SLCO2B1: variants seen among roughly 807,000 people sequenced by gnomAD.
The protein encoded by SLCO2B1 is OATP-RP2.
In SLCO2B1, 41 loss-of-function variants were observed where a neutral mutation model predicts 67.3. The observed-to-expected ratio is 0.61, with a 90% CI of 0.47 to 0.79. SLCO2B1 has a LOEUF of 0.79. Ranked by LOEUF, SLCO2B1 falls within the 30% of genes least tolerant of loss-of-function variation. SLCO2B1 has a pLI of 0.00. For synonymous variants in SLCO2B1, 379 were observed against 381.4 expected, an observed-to-expected ratio of 0.99 and a Z score of 0.07; for missense variants, 837 against 920.1, an observed-to-expected ratio of 0.91 and a Z score of 1.17.
rs1232088014 is a variant in SLCO2B1, at chr11:75,166,047, C to A, written c.448+98C>A. ...AGGCATTCATCTGGCAGGATACACC[C>A]CAAAACCTCAACACCCCAGGACAGC... On this transcript the variant is annotated intron_variant, in intron 4 of 13. Transcript: ENST00000289575. The A allele has an allele frequency of 2.1e-6, 3 of 1,410,414 alleles. No homozygotes were observed. In the African/African-American group the frequency reaches 4.3e-5, roughly 20 times the overall value. The allele number at this position is 1,410,414 out of a possible 1,614,324, so 87.4% of individuals were successfully genotyped here. A position where few individuals can be genotyped will look rare whatever the true frequency, so the allele number is the denominator to read the frequency against.
intron 1 of SLCO2B1, among the ~76,000 whole-genome samples, chr11:75,159,174 T>A (rs1228586920): frequency 6.6e-6 from 1 of 152,224 alleles, no homozygotes; most frequent in Non-Finnish European, 1.5e-5. Flanking sequence ...CTGGCTGGCT[T>A]ACCAGCAGGT....
In SLCO2B1 at chr11:75,176,713, A is replaced by G. The variant is rs1217016024; in HGVS notation, c.972+4144A>G. ...GAGGTGGCAATGGTCCTTAAAACCC[A>G]GGACTTAGGGCTGGTCTGTAGGGAT... On this transcript the variant is annotated intron_variant, in intron 7 of 13. Coordinates refer to ENST00000289575, the MANE Select transcript of SLCO2B1 (RefSeq NM_007256.5). 2.0e-5 allele frequency among the ~76,000 whole-genome samples: 3 copies of G among 152,256 alleles called. No individual in the cohort carries two copies. In the East Asian group the frequency reaches 5.8e-4, roughly 30 times the overall value.
intron 7 of SLCO2B1, among the ~76,000 whole-genome samples, chr11:75,173,966 C>T (rs948730286): frequency 4.6e-5 from 7 of 152,030 alleles, no homozygotes; most frequent in African/African-American, 1.7e-4. Flanking sequence ...CCATGCCTGG[C>T]TAATTTTGTA....
At chr11:75,184,165 C>T (rs1320282843) in intron 7 of SLCO2B1, among the ~76,000 whole-genome samples, 1 of 152,168 alleles carries the variant, frequency 6.6e-6, no homozygotes, top group African/African-American at 2.4e-5. Flanking sequence ...CTGGCATTGG[C>T]TATACCCACT....
At chr11:75,160,158 G>A (rs371181624) in intron 1 of SLCO2B1, among the ~76,000 whole-genome samples, 173 of 152,312 alleles carry the variant, frequency 1.1e-3, no homozygotes, top group Non-Finnish European at 2.0e-3. Flanking sequence ...CTCAGCTCCC[G>A]CTCTCTCACC....
chr11:75,162,689 G>A lies in SLCO2B1; in HGVS notation c.51G>A (p.Lys17=), dbSNP rs1487496415. 1 of 1,613,688 alleles carries A rather than the reference G, an allele frequency of 6.2e-7. No homozygotes were observed. Among genetic ancestry groups the A allele is most frequent in the Non-Finnish European group, 8.5e-7 (1 of 1,179,956 alleles). Residue 17 remains lysine, a synonymous_variant, in exon 2 of 14, where the codon AAG becomes AAA. Transcript: ENST00000289575. ...GTGAGGTACCCCAGGTACCAGACAA[G>A]GAAACCAAAGCCACAATGGGCACAG... ...PAGEVPQVPD[K]ETKATMGTEN...
chr11:75,157,659 G>T (rs1949763411), intron 1 of SLCO2B1, among the ~76,000 whole-genome samples: 1 of 152,204 alleles, frequency 6.6e-6, no homozygotes, highest in Non-Finnish European at 1.5e-5. Context: ...TGCCAGGCCA[G>T]CTGCCCCAAA....
chr11:75,169,530 T>A (rs951769884), intron 5 of SLCO2B1, 124 bp downstream of exon 5: 1 of 1,197,482 alleles, frequency 8.4e-7, no homozygotes, highest in Non-Finnish European at 1.2e-6. Context: ...CCAGTAAAGG[T>A]CCAGGGAAGC....
chr11:75,176,249 G>T (rs3758773), intron 7 of SLCO2B1, among the ~76,000 whole-genome samples: 52,005 of 151,904 alleles, frequency 0.34, 9,007 homozygotes, highest in South Asian at 0.39. Context: ...AACTCTCCTG[G>T]GCCCGCCATG....
chr11:75,174,716 T>C (rs1950003403), intron 7 of SLCO2B1, among the ~76,000 whole-genome samples: 1 of 152,182 alleles, frequency 6.6e-6, no homozygotes, highest in Admixed American at 6.5e-5. Context: ...GGTGGAGTGA[T>C]GTTTATAAAG....
chr11:75,172,620 C>G (rs1249800614), intron 7 of SLCO2B1, 51 bp downstream of exon 7: 1 of 1,501,126 alleles, frequency 6.7e-7, no homozygotes, highest in Non-Finnish European at 9.2e-7. Context: ...GCACCACCCA[C>G]TTGTTCTCCT....
At chr11:75,203,067 C>T in intron 12 of SLCO2B1, 102 bp downstream of exon 12, 5 of 1,232,672 alleles carry the variant, frequency 4.1e-6, no homozygotes, top group Non-Finnish European at 3.6e-6. Context: ...AATCCCTGAT[C>T]TTAGGGCTCA....
chr11:75,177,557 T>C (rs922165943), intron 7 of SLCO2B1, among the ~76,000 whole-genome samples: 9 of 151,866 alleles, frequency 5.9e-5, no homozygotes, highest in African/African-American at 2.2e-4. Flanking sequence ...AGACATAGGG[T>C]TTATTGAGGG....
intron 9 of SLCO2B1, among the ~76,000 whole-genome samples, chr11:75,195,450 G>A (rs1208780923): frequency 6.6e-6 from 1 of 151,708 alleles, no homozygotes; most frequent in Admixed American, 6.6e-5. Flanking sequence ...AATATTTTGT[G>A]GCTGATGATC....
chr11:75,197,311 G>C (rs1945114697), intron 10 of SLCO2B1, among the ~76,000 whole-genome samples: 1 of 152,214 alleles, frequency 6.6e-6, no homozygotes, highest in Non-Finnish European at 1.5e-5. Context: ...CACCTGGGTG[G>C]GGTTGGGTCC....
chr11:75,169,364 A>G lies in SLCO2B1; in HGVS notation c.640A>G (p.Ile214Val), dbSNP rs375650742. 2.5e-6 allele frequency: 4 copies of G among 1,610,660 alleles called. No individual in the cohort carries two copies. In the African/African-American group the frequency reaches 5.3e-5, roughly 22 times the overall value. ...VPIQPFGISY[I>V]DDFAHNSNSP... ...CATTCAGCCCTTTGGCATCTCCTAC[A>G]TCGATGACTTTGCCCACAACAGCAA... The change falls in exon 5 of 14, where the codon ATC becomes GTC. Residue 214 changes from isoleucine to valine, a missense_variant. Coordinates refer to ENST00000289575, the MANE Select transcript of SLCO2B1 (RefSeq NM_007256.5).
chr11:75,166,298 C>T (rs900522859), intron 4 of SLCO2B1, among the ~76,000 whole-genome samples: 3 of 152,318 alleles, frequency 2.0e-5, no homozygotes, highest in Non-Finnish European at 4.4e-5. Flanking sequence ...TAGTGTCATA[C>T]ACTACTTACT....
rs1949937324 is a variant in SLCO2B1, at chr11:75,169,726, T to C, written c.743T>C (p.Met248Thr). Residue 248 changes from methionine to threonine, a missense_variant, in exon 6 of 14, where the codon ATG becomes ACG. Coordinates refer to ENST00000289575, the MANE Select transcript of SLCO2B1 (RefSeq NM_007256.5). ...PGLAFGLGSLMLRLYVDINQM... is the reference protein window; with the variant it reads ...PGLAFGLGSLTLRLYVDINQM... ...CTGGCCTTTGGGCTGGGCAGCCTCA[T>C]GCTGCGCCTTTATGTGGACATTAAC... 6.2e-7 allele frequency: 1 copy of C among 1,614,036 alleles called. No homozygotes were observed. Among genetic ancestry groups the C allele is most frequent in the Admixed American group, 1.7e-5 (1 of 60,004 alleles).
chr11:75,195,595 A>T (rs1307161490), intron 9 of SLCO2B1, among the ~76,000 whole-genome samples: 8 of 151,822 alleles, frequency 5.3e-5, no homozygotes. Context: ...TTCCCCATGG[A>T]ACTGACATTT....
Sources: gnomAD v4.1 joint callset for allele counts (sites outside exome capture counted in the v4.1 genomes callset) on GRCh38, gnomAD v4.1.1 for gene constraint, MANE v1.5 for transcripts, NCBI Gene and HGNC (gene_info 2026-07-23, HGNC 2026-07-21) for gene names.